Variants in KRT73 observed in about 807,000 individuals in gnomAD.
KRT73 encodes the protein keratin, type II cytoskeletal 73.
A neutral mutation model predicts 47.2 loss-of-function variants in KRT73; 44 were observed. That is an observed-to-expected ratio of 0.93 (90% CI 0.73 to 1.20). The LOEUF (loss-of-function observed/expected upper bound fraction) is 1.20, where lower values mean the gene tolerates loss of function less well. Ranked by LOEUF, KRT73 falls within the 50% of genes most tolerant of loss-of-function variation. The pLI is 0.00. For missense variants in KRT73, 713 were observed against 704.5 expected (o/e 1.01, Z -0.14); for synonymous variants, 285 against 291.3 (o/e 0.98, Z 0.22).
At chr12:52,625,594 A>G in the KRT73 span, among the ~76,000 whole-genome samples, 2 of 152,194 alleles carry the variant, frequency 1.3e-5, no homozygotes, top group African/African-American at 4.8e-5. Flanking sequence ...AAAGAACCAA[A>G]CAAGCAACTC....
At position 52,615,287 on chromosome 12, in the gene KRT73, G is replaced by A. The variant is rs752796948; in HGVS notation, c.715C>T (p.Leu239Phe). ...RTTAENEFVV[L>F]KKDVDAAYTS... The stretch of plus-strand genomic sequence containing the variant: ...CCATGCACCCTCCTCACCTTCTTAA[G>A]CACCACAAATTCATTCTCAGCAGTT... The change falls in exon 3 of 9, where the codon CTT (leucine) becomes TTT (phenylalanine). Residue 239 changes from leucine (L) to phenylalanine (F), a missense_variant. Leu to Phe is a conservative substitution (Grantham distance 22, BLOSUM62 0). Coordinates refer to ENST00000305748, the MANE Select transcript of KRT73 (RefSeq NM_175068.3). 1.2e-6 allele frequency: 2 copies of A among 1,613,654 alleles called. No individual in the cohort carries two copies. Among genetic ancestry groups the A allele is most frequent in the South Asian group, 2.2e-5 (2 of 91,008 alleles).
chr12:52,613,587 C>A, intron 5 of KRT73, 101 bp downstream of exon 5: 1 of 1,554,236 alleles, frequency 6.4e-7, no homozygotes, highest in Non-Finnish European at 8.7e-7. Flanking sequence ...GCTGTGCTCC[C>A]AGCAAGCTAT....
At chr12:52,611,105 G>T in intron 6 of KRT73, 99 bp downstream of exon 6, 1 of 1,440,342 alleles carries the variant, frequency 6.9e-7, no homozygotes, top group Non-Finnish European at 9.5e-7. Context: ...TGAAGAAGGG[G>T]ATTCTGAAAT....
intron 2 of KRT73, 37 bp downstream of exon 2, chr12:52,616,129 T>C (rs367754079): frequency 3.1e-6 from 5 of 1,611,008 alleles, no homozygotes; most frequent in Non-Finnish European, 4.2e-6. Context: ...AGCCTCACCC[T>C]GGGAGGCAGA....
chr12:52,610,694 G>T lies in KRT73; in HGVS notation c.1252C>A (p.Gln418Lys), dbSNP rs771342753. 1 of 1,613,912 alleles carries T rather than the reference G, an allele frequency of 6.2e-7. No individual in the cohort carries two copies. Among genetic ancestry groups the T allele is most frequent in the Admixed American group, 1.7e-5 (1 of 59,970 alleles). ...EELARMLREY[Q>K]ELLSVKLSLD... ...GACAGCTTCACGCTCAAAAGCTCTT[G>T]GTACTCGCGCAGCATCCGTGCCAGC... is the stretch of plus-strand genomic sequence containing the variant. Residue 418 changes from glutamine (Q) to lysine (K), a missense_variant, in exon 7 of 9, where the codon CAA (glutamine) becomes AAA (lysine). Transcript: ENST00000305748.
At position 52,614,861 on chromosome 12, in the gene KRT73, A is replaced by G. The variant is rs111444681; in HGVS notation, c.724-187T>C. ...CTGCGAAACCTGGGGCAAGTTTCTCATGCCTCTGGAACTCCTTCTGCCTCT... is the reference window on the plus strand; with the variant it reads ...CTGCGAAACCTGGGGCAAGTTTCTCGTGCCTCTGGAACTCCTTCTGCCTCT... On this transcript the variant is annotated intron_variant, in intron 3 of 8. Coordinates refer to ENST00000305748, the MANE Select transcript of KRT73 (RefSeq NM_175068.3). 8.6e-5 allele frequency: 49 copies of G among 567,642 alleles called. 4 individuals are homozygous for G. Among genetic ancestry groups the G allele is most frequent in the African/African-American group, 6.5e-4 (34 of 52,574 alleles). 35.2% of individuals were successfully genotyped at this position (567,642 alleles called of 1,614,324 possible).
At chr12:52,626,350 C>A in the KRT73 span, among the ~76,000 whole-genome samples, 1 of 152,218 alleles carries the variant, frequency 6.6e-6, no homozygotes, top group South Asian at 2.1e-4. Flanking sequence ...TCCTTTTAAC[C>A]ACTACTGCCT....
chr12:52,612,576 C>T (rs1038640129), intron 5 of KRT73: 2 of 152,216 alleles, frequency 1.3e-5, no homozygotes, highest in African/African-American at 4.8e-5. Context: ...AAACAAGGGG[C>T]CTTCTCCTGC....
intron 5 of KRT73, among the ~76,000 whole-genome samples, chr12:52,611,721 G>A (rs1244952519): frequency 2.6e-5 from 4 of 152,010 alleles, no homozygotes; most frequent in Admixed American, 1.3e-4. Context: ...TCCCAAGCTC[G>A]GCCAAACAGT....
At chr12:52,615,376 C>G (rs748835944) in intron 2 of KRT73, 37 bp from the exon 3 acceptor site, 1 of 1,547,434 alleles carries the variant, frequency 6.5e-7, no homozygotes, top group Non-Finnish European at 8.9e-7. Context: ...GAGTGTGTGT[C>G]TGTGTGTGTG....
At chr12:52,616,022 G>C (rs985375919) in intron 2 of KRT73, 144 bp downstream of exon 2, 28 of 945,604 alleles carry the variant, frequency 3.0e-5, no homozygotes, top group Non-Finnish European at 4.0e-5. Context: ...CCACTGTCTA[G>C]TCTGCCTCGT....
chr12:52,612,949 T>C (rs1282566873), intron 5 of KRT73: 1 of 152,196 alleles, frequency 6.6e-6, no homozygotes, highest in African/African-American at 2.4e-5. Flanking sequence ...GCAACACTAA[T>C]GTGGAAGGCT....
intron 3 of KRT73, 189 bp downstream of exon 3, chr12:52,615,090 C>T (rs1940788742): frequency 5.4e-6 from 3 of 554,138 alleles, no homozygotes; most frequent in African/African-American, 1.9e-5. Flanking sequence ...TTCCTGTCCA[C>T]AGACAAAGTA....
At chr12:52,630,313 G>C in the KRT73 span, among the ~76,000 whole-genome samples, 2 of 152,160 alleles carry the variant, frequency 1.3e-5, no homozygotes, top group Non-Finnish European at 2.9e-5. Context: ...TGTCTCCTCT[G>C]GGTCACCCAC....
At chr12:52,623,161 A>G (rs1940927793), upstream of KRT73, among the ~76,000 whole-genome samples, 1 of 152,242 alleles carries the variant, frequency 6.6e-6, no homozygotes, top group Non-Finnish European at 1.5e-5. Flanking sequence ...GAATAAACCC[A>G]AAGAAATTCA....
At position 52,614,611 on chromosome 12, in the gene KRT73, C is replaced by A; in HGVS notation, c.787G>T (p.Glu263Ter). 6.2e-7 allele frequency: 1 copy of A among 1,613,990 alleles called. No homozygotes were observed. Residue 263 changes from glutamate (E) to a stop codon, truncating the protein, a stop_gained, in exon 4 of 9, where the codon GAA becomes TAA. Transcript: ENST00000305748. LOFTEE classifies it high-confidence loss of function. ...LQAKVDALDGEIKFFKCLYEG... is the reference protein window; with the variant it reads ...LQAKVDALDG ...TACAGACACTTGAAGAACTTGATTT[C>A]TCCATCCAGGGCATCCACCTTGGCC... is the stretch of plus-strand genomic sequence containing the variant.
chr12:52,624,948 TAAAACAAAAAA>T, the KRT73 span, among the ~76,000 whole-genome samples: 21 of 91,512 alleles, frequency 2.3e-4, no homozygotes, highest in East Asian at 0.016. Flanking sequence ...AAAACAAAAA[TAAAACAAAAAA>T]TCTTGATTTA....
At chr12:52,628,185 C>T in the KRT73 span, among the ~76,000 whole-genome samples, 3 of 152,122 alleles carry the variant, frequency 2.0e-5, no homozygotes, top group Non-Finnish European at 2.9e-5. Flanking sequence ...CACTGGACAT[C>T]ATTTCAAACT....
chr12:52,619,246 T>C (rs931767321), upstream of KRT73, among the ~76,000 whole-genome samples: 1 of 152,232 alleles, frequency 6.6e-6, no homozygotes, highest in African/African-American at 2.4e-5. Flanking sequence ...CTTGAAATTA[T>C]GGTCATTGCA....
Sources: gnomAD v4.1 joint callset for allele counts (sites outside exome capture counted in the v4.1 genomes callset) on GRCh38, gnomAD v4.1.1 for gene constraint, MANE v1.5 for transcripts, NCBI Gene and HGNC (gene_info 2026-07-23, HGNC 2026-07-21) for gene names.